Variants in LUZP1 observed in about 807,000 individuals in gnomAD.
LUZP1 encodes leucine zipper protein 1.
Under a neutral mutation model 71.3 loss-of-function variants are expected in LUZP1, and 25 were observed. The ratio of observed to expected loss-of-function variants is 0.35; its 90% CI spans 0.26 to 0.49. The LOEUF (loss-of-function observed/expected upper bound fraction) is 0.49. Ranked by LOEUF, LUZP1 falls within the 20% of genes least tolerant of loss-of-function variation. LUZP1 has a pLI of 0.99. For missense variants in LUZP1, 1,142 were observed against 1,300.8 expected, an observed-to-expected ratio of 0.88 and a Z score of 1.88; for synonymous variants, 481 against 506.4, an observed-to-expected ratio of 0.95 and a Z score of 0.67.
In LUZP1 at chr1:23,155,086, A is replaced by G. The variant is rs78480739; in HGVS notation, c.-226+13680T>C. ...TATCAAATTACACTAAGAATATATC[A>G]TATTATACTCCATTACAGCTGTGGC... On this transcript the variant is annotated intron_variant, in intron 2 of 4. Transcript: ENST00000302291. 1.3e-3 allele frequency among the ~76,000 whole-genome samples: 194 copies of G among 152,314 alleles called. 2 individuals are homozygous for G. Among genetic ancestry groups the G allele is most frequent in the African/African-American group, 4.4e-3 (184 of 41,586 alleles).
intron 2 of LUZP1, among the ~76,000 whole-genome samples, chr1:23,122,159 T>C (rs1467580003): frequency 1.3e-5 from 2 of 152,162 alleles, no homozygotes; most frequent in African/African-American, 4.8e-5. Context: ...GTGCCAGGCA[T>C]ACATTTGAGT....
At chr1:23,124,800 T>G (rs1644158446) in intron 2 of LUZP1, among the ~76,000 whole-genome samples, 1 of 152,228 alleles carries the variant, frequency 6.6e-6, no homozygotes, top group South Asian at 2.1e-4. Flanking sequence ...CATATTCTAG[T>G]ATCTAGACTT....
rs755678779 is a variant in LUZP1, at chr1:23,094,239, T to C, written c.23A>G (p.Lys8Arg). Residue 8 changes from lysine to arginine, a missense_variant, in exon 4 of 5, where the codon AAG becomes AGG. Physicochemically the swap from Lys to Arg is conservative, Grantham distance 26. Coordinates refer to ENST00000302291, the Ensembl canonical transcript of LUZP1. This position sits in a 1 kb window ranked among gnomAD's most constrained non-coding sequence, Gnocchi z 4.7. ...CAAGTGGCGGCTGGAGGCCGTCTCCTTGTAGCTTGTAAATTCGGCCATGTC... is the reference window on the plus strand; with the variant it reads ...CAAGTGGCGGCTGGAGGCCGTCTCCCTGTAGCTTGTAAATTCGGCCATGTC... 25 of 1,607,576 alleles carry C rather than the reference T, an allele frequency of 1.6e-5. No individual in the cohort carries two copies. Among genetic ancestry groups the C allele is most frequent in the East Asian group, 8.9e-5 (4 of 44,834 alleles).
chr1:23,135,795 A>G (rs1644248797), intron 2 of LUZP1, among the ~76,000 whole-genome samples: 1 of 152,228 alleles, frequency 6.6e-6, no homozygotes, highest in Non-Finnish European at 1.5e-5. Context: ...TAACAAATAT[A>G]TGTTGGTTTT....
Position 23,089,056 on chromosome 1 carries a change from G to A in LUZP1, c.3073-3C>T, listed in dbSNP as rs768743783. ...GTACAGTCTTCCCCTTCTTCCTCCT[G>A]TGCCAATAAATAACAAAAGTGAGCT... On this transcript the variant is annotated splice_region_variant and splice_polypyrimidine_tract_variant and intron_variant, in intron 4 of 4. Transcript: ENST00000302291. 24 of 1,613,276 alleles carry A rather than the reference G, an allele frequency of 1.5e-5. No homozygotes were observed. Among genetic ancestry groups the A allele is most frequent in the South Asian group, 3.3e-5 (3 of 90,956 alleles).
intron 2 of LUZP1, chr1:23,109,604 C>G (rs1001411689): frequency 6.6e-6 from 1 of 152,148 alleles, no homozygotes; most frequent in East Asian, 1.9e-4. Context: ...TCTGATAGGT[C>G]GCAGTCAAAA....
At chr1:23,173,552 T>A (rs1348370579) in intron 1 of LUZP1, among the ~76,000 whole-genome samples, 1 of 151,912 alleles carries the variant, frequency 6.6e-6, no homozygotes, top group East Asian at 1.9e-4. Flanking sequence ...AGATGGGGTT[T>A]CACCATGCTG....
intron 2 of LUZP1, among the ~76,000 whole-genome samples, chr1:23,123,265 G>A (rs577063849): frequency 5.3e-5 from 8 of 152,152 alleles, no homozygotes; most frequent in Non-Finnish European, 8.8e-5. Context: ...AGGCCGAGGC[G>A]GGGGGATCCC....
intron 1 of LUZP1, among the ~76,000 whole-genome samples, chr1:23,177,302 G>A (rs1644588411): frequency 6.6e-6 from 1 of 152,192 alleles, no homozygotes; most frequent in South Asian, 2.1e-4. Flanking sequence ...AGACCTCTGA[G>A]AGGACATCGG....
At chr1:23,171,860 G>A (rs780449207) in intron 1 of LUZP1, among the ~76,000 whole-genome samples, 1 of 152,162 alleles carries the variant, frequency 6.6e-6, no homozygotes, top group Non-Finnish European at 1.5e-5. Flanking sequence ...GGACATATAA[G>A]GGAGGTTCTG....
intron 2 of LUZP1, among the ~76,000 whole-genome samples, chr1:23,145,473 T>C: frequency 6.6e-6 from 1 of 150,750 alleles, no homozygotes; most frequent in South Asian, 2.1e-4. Flanking sequence ...AATCTCTTTT[T>C]TTTTTTTTTT....
intron 2 of LUZP1, among the ~76,000 whole-genome samples, chr1:23,131,620 A>G (rs1244730776): frequency 6.6e-6 from 1 of 152,158 alleles, no homozygotes; most frequent in African/African-American, 2.4e-5. Flanking sequence ...CCTCTCACCT[A>G]ATACTGTAGT....
intron 2 of LUZP1, among the ~76,000 whole-genome samples, chr1:23,149,733 G>C (rs1644368729): frequency 1.3e-5 from 2 of 152,154 alleles, no homozygotes; most frequent in Non-Finnish European, 1.5e-5. Context: ...CCAGCACTTT[G>C]GGAGCGGATC....
intron 2 of LUZP1, among the ~76,000 whole-genome samples, chr1:23,132,469 C>T (rs901938269): frequency 6.6e-6 from 1 of 150,824 alleles, no homozygotes; most frequent in Admixed American, 6.6e-5. Flanking sequence ...TCTTAATATG[C>T]GTCTCTTATC....
chr1:23,108,443 C>CA (rs1341101563), intron 3 of LUZP1, among the ~76,000 whole-genome samples: 4 of 151,728 alleles, frequency 2.6e-5, no homozygotes, highest in Non-Finnish European at 5.9e-5. Context: ...CCAGTCTCTA[C>CA]AAAAAAATTA....
intron 2 of LUZP1, among the ~76,000 whole-genome samples, chr1:23,147,384 T>C (rs982934185): frequency 1.3e-5 from 2 of 148,848 alleles, no homozygotes; most frequent in Non-Finnish European, 3.0e-5. Context: ...GAAGTTGCAG[T>C]GAGCCGAGAT....
chr1:23,102,695 C>G (rs1643940994), intron 3 of LUZP1, among the ~76,000 whole-genome samples: 1 of 152,100 alleles, frequency 6.6e-6, no homozygotes, highest in Admixed American at 6.6e-5. Flanking sequence ...CATGGTAGCT[C>G]ATGCCTGTAA....
chr1:23,174,648 T>G (rs1010517621), intron 1 of LUZP1, among the ~76,000 whole-genome samples: 1 of 152,130 alleles, frequency 6.6e-6, no homozygotes, highest in Non-Finnish European at 1.5e-5. Flanking sequence ...ATTTTTTACA[T>G]GTAGAAGTAT....
intron 3 of LUZP1, among the ~76,000 whole-genome samples, chr1:23,103,038 C>A (rs759149594): frequency 6.6e-5 from 10 of 152,034 alleles, no homozygotes; most frequent in Non-Finnish European, 1.5e-4. Flanking sequence ...CTCAAGCAAT[C>A]CTCCCACCTT....
Sources: allele counts gnomAD v4.1 joint callset (sites outside exome capture counted in the v4.1 genomes callset), GRCh38; gene constraint gnomAD v4.1.1; non-coding constraint Gnocchi (gnomAD v3.1); transcripts MANE v1.5; gene names NCBI Gene and HGNC (gene_info 2026-07-23, HGNC 2026-07-21).